The following OCA2 variants were observed in gnomAD, a reference collection of about 807,000 sequenced individuals.
OCA2 encodes OCA2 melanosomal transmembrane protein, also known as P protein.
In OCA2, 77 loss-of-function variants were observed where a neutral mutation model predicts 100.2. The ratio of observed to expected loss-of-function variants is 0.77; its 90% CI spans 0.64 to 0.93. The LOEUF (loss-of-function observed/expected upper bound fraction) is 0.93. Among genes scored for constraint, OCA2 ranks in the 40% least tolerant of loss-of-function variants. The pLI is 0.00. For synonymous variants in OCA2, 432 were observed against 439.2 expected (o/e 0.98, Z 0.21); for missense variants, 1,062 against 1,089.1 (o/e 0.98, Z 0.35).
chr15:27,847,993 TGCAGATGCC>T (rs2035599559), intron 22 of OCA2, among the ~76,000 whole-genome samples: 1 of 152,206 alleles, frequency 6.6e-6, no homozygotes, highest in South Asian at 2.1e-4. Flanking sequence ...ACACTCAAGC[TGCAGATGCC>T]GCAGGCATCT....
intron 22 of OCA2, among the ~76,000 whole-genome samples, chr15:27,846,548 T>A (rs938091519): frequency 3.9e-5 from 6 of 152,146 alleles, no homozygotes; most frequent in African/African-American, 1.4e-4. Context: ...GATTAGTGAT[T>A]GAAAAAAATG....
At chr15:27,791,071 G>C (rs1018423995) in intron 23 of OCA2, among the ~76,000 whole-genome samples, 25 of 152,136 alleles carry the variant, frequency 1.6e-4, no homozygotes, top group Admixed American at 1.1e-3. Context: ...TTACAGGCAT[G>C]AGCCACTGTG....
intron 23 of OCA2, among the ~76,000 whole-genome samples, chr15:27,768,047 C>A (rs114932862): frequency 4.3e-4 from 65 of 152,232 alleles, no homozygotes; most frequent in African/African-American, 1.4e-3. Flanking sequence ...CGGCTTCCAG[C>A]TGAAAGCGGT....
intron 14 of OCA2, among the ~76,000 whole-genome samples, chr15:27,972,416 A>C (rs1012035607): frequency 6.6e-6 from 1 of 152,188 alleles, no homozygotes; most frequent in African/African-American, 2.4e-5. Flanking sequence ...TTCATTGAGA[A>C]ATCTCCACAG....
chr15:27,923,477 C>T (rs1316906676), intron 19 of OCA2, among the ~76,000 whole-genome samples: 1 of 152,196 alleles, frequency 6.6e-6, no homozygotes. Flanking sequence ...ACACTCCTGC[C>T]AGCAGTGTAT....
At chr15:27,874,233 G>A (rs528410610) in intron 19 of OCA2, among the ~76,000 whole-genome samples, 4 of 152,194 alleles carry the variant, frequency 2.6e-5, no homozygotes, top group South Asian at 2.1e-4. Context: ...CTCTCCCCAC[G>A]AAAACATTTC....
chr15:28,070,271 AG>A (rs1250038677), intron 2 of OCA2, among the ~76,000 whole-genome samples: 1 of 138,768 alleles, frequency 7.2e-6, no homozygotes, highest in Non-Finnish European at 1.5e-5. Context: ...GGAAGTGAGG[AG>A]CGTCTCCGCC....
chr15:28,044,819 T>C (rs2043301794), intron 2 of OCA2, among the ~76,000 whole-genome samples: 1 of 152,242 alleles, frequency 6.6e-6, no homozygotes, highest in Admixed American at 6.5e-5. Flanking sequence ...GATATTAATA[T>C]AGACATCCCA....
chr15:28,074,490 T>C (rs7182340), intron 2 of OCA2, among the ~76,000 whole-genome samples: 37,848 of 151,746 alleles, frequency 0.25, 9,330 homozygotes, highest in African/African-American at 0.64. Flanking sequence ...CTGGCGAACA[T>C]GGTGAAACCC....
At chr15:27,766,259 C>T (rs766983062) in intron 23 of OCA2, among the ~76,000 whole-genome samples, 4 of 152,142 alleles carry the variant, frequency 2.6e-5, no homozygotes, top group Admixed American at 6.5e-5. Context: ...GTCAACATAA[C>T]ATTTTGATGG....
intron 19 of OCA2, among the ~76,000 whole-genome samples, chr15:27,921,859 G>A (rs971523261): frequency 3.3e-5 from 5 of 152,028 alleles, no homozygotes; most frequent in South Asian, 2.1e-4. Flanking sequence ...GCACCACCAT[G>A]CCAGCTAATT....
At chr15:27,917,847 C>T (rs746946700) in intron 19 of OCA2, among the ~76,000 whole-genome samples, 3 of 151,998 alleles carry the variant, frequency 2.0e-5, no homozygotes, top group South Asian at 2.1e-4. Context: ...CCTTTTGGGC[C>T]GAAAAGTCTA....
At chr15:28,064,451 AT>A (rs1459695248) in intron 2 of OCA2, among the ~76,000 whole-genome samples, 2 of 151,322 alleles carry the variant, frequency 1.3e-5, no homozygotes, top group Non-Finnish European at 2.9e-5. Context: ...CTCTATTCAC[AT>A]TTCTTCATTC....
intron 9 of OCA2, among the ~76,000 whole-genome samples, chr15:28,002,751 G>A (rs777863124): frequency 6.6e-6 from 1 of 152,138 alleles, no homozygotes; most frequent in Non-Finnish European, 1.5e-5. Flanking sequence ...GCTCTTACAT[G>A]GATGTGATGA....
chr15:27,805,353 A>T (rs1389185936), intron 23 of OCA2, among the ~76,000 whole-genome samples: 1 of 152,248 alleles, frequency 6.6e-6, no homozygotes, highest in Non-Finnish European at 1.5e-5. Context: ...ACCGCGAAGG[A>T]GGCCTGGGCT....
At chr15:27,953,687 T>G (rs1476640973) in intron 17 of OCA2, among the ~76,000 whole-genome samples, 2 of 152,144 alleles carry the variant, frequency 1.3e-5, no homozygotes, top group Admixed American at 6.5e-5. Flanking sequence ...GGAGGTTTTT[T>G]GGGGGTATCA....
the OCA2 span, among the ~76,000 whole-genome samples, chr15:27,736,185 T>A: frequency 1.3e-5 from 2 of 152,244 alleles, no homozygotes; most frequent in African/African-American, 4.8e-5. Flanking sequence ...AATTATTATT[T>A]TGAAATTGTG....
chr15:27,844,325 T>A (rs1456791673), intron 23 of OCA2, among the ~76,000 whole-genome samples: 21 of 152,166 alleles, frequency 1.4e-4, no homozygotes. Context: ...ACGGGGTCTT[T>A]GCTAGCAGGG....
At chr15:28,064,311 C>T (rs114661212) in intron 2 of OCA2, among the ~76,000 whole-genome samples, 2,019 of 152,162 alleles carry the variant, frequency 0.013, 37 homozygotes, top group African/African-American at 0.046. Flanking sequence ...ATTTGTACAT[C>T]TGTGTCGTTT....
Sources: allele counts gnomAD v4.1 joint callset (sites outside exome capture counted in the v4.1 genomes callset), GRCh38; gene constraint gnomAD v4.1.1; transcripts MANE v1.5; gene names NCBI Gene and HGNC (gene_info 2026-07-23, HGNC 2026-07-21).